Variants in RHBDD3 observed in about 807,000 individuals in gnomAD.
The protein encoded by RHBDD3 is rhomboid domain containing 3.
Under a neutral mutation model 32.3 loss-of-function variants are expected in RHBDD3, and 34 were observed. The ratio of observed to expected loss-of-function variants is 1.05; its 90% CI spans 0.80 to 1.40. The LOEUF (loss-of-function observed/expected upper bound fraction) is 1.40. Among genes scored for constraint, RHBDD3 ranks in the 40% most tolerant of loss-of-function variants. The probability of loss-of-function intolerance (pLI) is 0.00; values close to 1 mark genes in which losing one functional copy is unlikely to be tolerated. For missense variants in RHBDD3, 482 were observed against 492.6 expected (o/e 0.98, Z 0.20); for synonymous variants, 249 against 239.1 (o/e 1.04, Z -0.38).
rs2058239815 is a variant in RHBDD3, at chr22:29,267,470, G to A, written c.-87C>T. The A allele has an allele frequency of 6.5e-6, 1 of 152,876 alleles. No individual in the cohort carries two copies. Among genetic ancestry groups the A allele is most frequent in the East Asian group, 1.9e-4 (1 of 5,202 alleles). The allele number at this position is 152,876 out of a possible 1,614,324, so 9.5% of individuals were successfully genotyped here. ...GGCAGAATGGAAAGACAAGGACGGA[G>A]ATTCTTCCGGTGGCGGATAGAGTAG... On this transcript the variant is annotated 5_prime_UTR_variant, in exon 2 of 7. Transcript: ENST00000216085.
intron 3 of RHBDD3, 180 bp downstream of exon 3, chr22:29,265,299 C>G: frequency 6.0e-6 from 3 of 499,780 alleles, no homozygotes; most frequent in Non-Finnish European, 1.0e-5. Flanking sequence ...AGGGAGTCCT[C>G]TGCCTCCCTT....
At chr22:29,265,171 C>G (rs2058162359) in intron 3 of RHBDD3, 1 of 227,870 alleles carries the variant, frequency 4.4e-6, no homozygotes, top group African/African-American at 2.3e-5. Context: ...CCTCAGCTTC[C>G]CAAAGTGCTG....
At chr22:29,264,850 TC>T (rs543751314) in intron 3 of RHBDD3, among the ~76,000 whole-genome samples, 171 of 152,036 alleles carry the variant, frequency 1.1e-3, no homozygotes, top group Non-Finnish European at 2.0e-3. Context: ...CGATCTTGGC[TC>T]ACTGCAAGCT....
At chr22:29,263,487 A>G (rs2058143070) in intron 4 of RHBDD3, among the ~76,000 whole-genome samples, 1 of 152,108 alleles carries the variant, frequency 6.6e-6, no homozygotes, top group Admixed American at 6.5e-5. Context: ...CAGGCTTTTA[A>G]TTTTTTTAAT....
Position 29,260,474 on chromosome 22 carries a change from C to T in RHBDD3, c.835G>A (p.Gly279Arg). The stretch of plus-strand genomic sequence containing the variant: ...GGAGTCCCTGGGGAGAAGCTGGCCC[C>T]AGCCCAGTCCAGGCCTGCCTCTGAG... ...GSSEAGLDWA[G>R]ASFSPGTPMW... Residue 279 changes from glycine to arginine, a missense_variant, in exon 6 of 7, where the codon GGG becomes AGG. Gly to Arg is a moderately radical substitution (Grantham distance 125). Coordinates refer to ENST00000216085, the MANE Select transcript of RHBDD3 (RefSeq NM_012265.3). The T allele has an allele frequency of 6.2e-7, 1 of 1,607,382 alleles. No homozygotes were observed. Among genetic ancestry groups the T allele is most frequent in the Non-Finnish European group, 8.5e-7 (1 of 1,178,276 alleles).
At position 29,265,650 on chromosome 22, in the gene RHBDD3, G is replaced by A; in HGVS notation, c.-24C>T. ...ATCGCTTGGTTGAGGACGGTCAAGG[G>A]TGGTCCTGGGGCTGTGTGCTGGGGA... On this transcript the variant is annotated 5_prime_UTR_variant, in exon 3 of 7. Transcript: ENST00000216085. The A allele has an allele frequency of 6.4e-7, 1 of 1,569,916 alleles. No homozygotes were observed. Among genetic ancestry groups the A allele is most frequent in the Non-Finnish European group, 8.6e-7 (1 of 1,164,580 alleles).
At chr22:29,261,317 G>A in intron 4 of RHBDD3, 1 of 472,676 alleles carries the variant, frequency 2.1e-6, no homozygotes, top group South Asian at 1.5e-5. Context: ...TCTTAGGGCT[G>A]GACGCAGTGG....
chr22:29,260,559 C>A lies in RHBDD3; in HGVS notation c.750G>T (p.Trp250Cys). 6.3e-7 allele frequency: 1 copy of A among 1,599,404 alleles called. No individual in the cohort carries two copies. The highest frequency in any genetic ancestry group is 1.3e-5 in the African/African-American group (1 of 74,972). ...TTGGTGGGGGCAGGGCTGAGTCTTC[C>A]CAGTGGGACCAGAGGTCAGGGGAGG... is the stretch of plus-strand genomic sequence containing the variant. The part of the protein sequence containing the change: ...YVASPDLWSH[W>C]EDSALPPPSL... The change falls in exon 6 of 7, where the codon TGG becomes TGT. Residue 250 changes from tryptophan (W) to cysteine (C), a missense_variant. Trp to Cys is a radical substitution (Grantham distance 215, BLOSUM62 -2). Transcript: ENST00000216085.
intron 3 of RHBDD3, chr22:29,264,465 A>C (rs1164836278): frequency 3.9e-6 from 5 of 1,298,208 alleles, no homozygotes; most frequent in Non-Finnish European, 2.9e-6. Context: ...CAGTCTTTTC[A>C]CTGACAACCC....
chr22:29,263,214 T>C (rs2058139445), intron 4 of RHBDD3, among the ~76,000 whole-genome samples: 1 of 152,258 alleles, frequency 6.6e-6, no homozygotes. Flanking sequence ...CCAGCTAATT[T>C]TTGTATTTTT....
upstream of RHBDD3, chr22:29,268,147 G>A (rs2058275134): frequency 2.9e-6 from 2 of 686,270 alleles, no homozygotes; most frequent in Middle Eastern, 3.8e-4. Context: ...GCGCTCTTTA[G>A]AGAGGACTGG....
intron 3 of RHBDD3, chr22:29,264,437 T>A: frequency 7.5e-7 from 1 of 1,341,014 alleles, no homozygotes; most frequent in Non-Finnish European, 9.5e-7. Context: ...TTAAACAGAA[T>A]ACACTGGACG....
In RHBDD3 at chr22:29,265,573, G is replaced by C. The variant is rs377137831; in HGVS notation, c.54C>G (p.Ser18=). The stretch of plus-strand genomic sequence containing the variant: ...TGCTCATCAGCAGCATCAGGACTGA[G>C]GAGGCCAGAGGCAGTGCTGGGGACA... ...GQLSPALPLA[S]SVLMLLMSTL... The change falls in exon 3 of 7, where the codon TCC becomes TCG. Residue 18 remains serine, a synonymous_variant. Coordinates refer to ENST00000216085, the MANE Select transcript of RHBDD3 (RefSeq NM_012265.3). 1.7e-5 allele frequency: 27 copies of C among 1,590,334 alleles called. No individual in the cohort carries two copies. The highest frequency in any genetic ancestry group is 1.8e-5 in the Non-Finnish European group (21 of 1,171,294).
At chr22:29,262,087 G>A (rs1323413145) in intron 4 of RHBDD3, 3 of 149,730 alleles carry the variant, frequency 2.0e-5, no homozygotes, top group Admixed American at 6.6e-5. Context: ...TGATCTGTAT[G>A]TCTATCCTGA....
chr22:29,262,816 CCT>C (rs2058134974), intron 4 of RHBDD3, among the ~76,000 whole-genome samples: 1 of 152,214 alleles, frequency 6.6e-6, no homozygotes, highest in Non-Finnish European at 1.5e-5. Flanking sequence ...AAGCAATTCT[CCT>C]GTCTCAGTCT....
chr22:29,265,634 T>A lies in RHBDD3; in HGVS notation c.-8A>T, dbSNP rs368512165. On this transcript the variant is annotated 5_prime_UTR_variant, in exon 3 of 7. Transcript: ENST00000216085. ...GGGGCCCCTGGCATGCATCGCTTGG[T>A]TGAGGACGGTCAAGGGTGGTCCTGG... is the stretch of plus-strand genomic sequence containing the variant. 1.1e-5 allele frequency: 18 copies of A among 1,580,386 alleles called. No homozygotes were observed. In the African/African-American group the frequency reaches 2.4e-4, roughly 21 times the overall value.
At chr22:29,260,939 G>A in intron 4 of RHBDD3, 75 bp from the exon 5 acceptor site, 1 of 1,392,472 alleles carries the variant, frequency 7.2e-7, no homozygotes, top group Non-Finnish European at 9.5e-7. Flanking sequence ...CACAGGCCAG[G>A]CCCCATGCCA....
chr22:29,264,388 C>T (rs570484338), intron 3 of RHBDD3, 170 bp from the exon 4 acceptor site: 955 of 1,424,712 alleles, frequency 6.7e-4, no homozygotes, highest in Non-Finnish European at 8.3e-4. Flanking sequence ...GTGGAAGGGA[C>T]CAAGGACTTC....
chr22:29,265,182 G>C (rs1268567710), intron 3 of RHBDD3: 2 of 251,156 alleles, frequency 8.0e-6, no homozygotes, highest in Non-Finnish European at 1.5e-5. Context: ...CAAAGTGCTG[G>C]GATTACAGGC....
Sources: allele counts gnomAD v4.1 joint callset (sites outside exome capture counted in the v4.1 genomes callset), GRCh38; gene constraint gnomAD v4.1.1; transcripts MANE v1.5; gene names NCBI Gene and HGNC (gene_info 2026-07-23, HGNC 2026-07-21).